The following FBXL7 variants were observed in gnomAD, a reference collection of about 807,000 sequenced individuals.
FBXL7 encodes F-box/LRR-repeat protein 7.
Under a neutral mutation model 38.3 loss-of-function variants are expected in FBXL7, and 12 were observed. That is an observed-to-expected ratio of 0.31 (90% CI 0.20 to 0.51). The LOEUF is 0.51. Among genes scored for constraint, FBXL7 ranks in the 20% least tolerant of loss-of-function variants. The pLI, the probability that FBXL7 is intolerant of heterozygous loss-of-function variation, is 0.98. For synonymous variants in FBXL7, 297 were observed against 300.9 expected (o/e 0.99, Z 0.13); for missense variants, 567 against 676.4 (o/e 0.84, Z 1.79).
intron 2 of FBXL7, among the ~76,000 whole-genome samples, chr5:15,836,387 C>G (rs375342453): frequency 6.6e-6 from 1 of 151,750 alleles, no homozygotes; most frequent in East Asian, 1.9e-4. Context: ...CTATACAGAA[C>G]AAAAAGAAAA....
chr5:15,528,239 G>C (rs893858174), intron 1 of FBXL7, among the ~76,000 whole-genome samples: 10 of 152,148 alleles, frequency 6.6e-5, no homozygotes, highest in African/African-American at 2.4e-4. Context: ...ATGGACCCAG[G>C]AGTTTCTCTT....
At chr5:15,711,833 A>G (rs917955476) in intron 2 of FBXL7, among the ~76,000 whole-genome samples, 4 of 152,250 alleles carry the variant, frequency 2.6e-5, no homozygotes, top group African/African-American at 9.6e-5. Flanking sequence ...GTTGAGAAAC[A>G]TATAAAAATG....
chr5:15,893,792 G>T (rs1399116547), intron 2 of FBXL7, among the ~76,000 whole-genome samples: 1 of 152,186 alleles, frequency 6.6e-6, no homozygotes, highest in Non-Finnish European at 1.5e-5. Flanking sequence ...GCTATAGGAT[G>T]AATTAAATCA....
intron 2 of FBXL7, among the ~76,000 whole-genome samples, chr5:15,811,921 C>T (rs566903888): frequency 6.6e-6 from 1 of 152,266 alleles, no homozygotes; most frequent in South Asian, 2.1e-4. Flanking sequence ...TTGTGGAAGA[C>T]AGTGTGGTGA....
intron 2 of FBXL7, among the ~76,000 whole-genome samples, chr5:15,654,990 A>T (rs1220750737): frequency 7.9e-5 from 12 of 152,192 alleles, no homozygotes; most frequent in Admixed American, 7.9e-4. Flanking sequence ...CATGAATCTT[A>T]TGCTAAATGG....
At chr5:15,543,746 C>T (rs942205463) in intron 1 of FBXL7, among the ~76,000 whole-genome samples, 13 of 152,116 alleles carry the variant, frequency 8.5e-5, no homozygotes, top group Non-Finnish European at 1.6e-4. Flanking sequence ...TAAAGGGCAT[C>T]GGGTAGCAAC....
chr5:15,538,337 G>A (rs917440921), intron 1 of FBXL7, among the ~76,000 whole-genome samples: 11 of 152,180 alleles, frequency 7.2e-5, no homozygotes, highest in African/African-American at 2.7e-4. Flanking sequence ...TAAGTTAACT[G>A]ATACGATACT....
intron 2 of FBXL7, among the ~76,000 whole-genome samples, chr5:15,828,453 G>A: frequency 6.6e-6 from 1 of 152,184 alleles, no homozygotes; most frequent in East Asian, 1.9e-4. Context: ...GCAATCTTAA[G>A]TTGAATGAAT....
intron 2 of FBXL7, among the ~76,000 whole-genome samples, chr5:15,837,488 T>C (rs1738625107): frequency 6.6e-6 from 1 of 152,210 alleles, no homozygotes; most frequent in Non-Finnish European, 1.5e-5. Flanking sequence ...AGACTACAGT[T>C]AAGTTTAGTG....
At chr5:15,864,412 T>A (rs866924944) in intron 2 of FBXL7, among the ~76,000 whole-genome samples, 17 of 151,428 alleles carry the variant, frequency 1.1e-4, no homozygotes, top group Middle Eastern at 3.5e-3. Flanking sequence ...ACTTTTTTTT[T>A]CCATTCTGAA....
At chr5:15,731,530 G>A (rs1290387541) in intron 2 of FBXL7, among the ~76,000 whole-genome samples, 2 of 151,958 alleles carry the variant, frequency 1.3e-5, no homozygotes, top group African/African-American at 4.8e-5. Flanking sequence ...ATTTGTGTGG[G>A]GACACAGAGC....
chr5:15,800,388 G>A (rs2126740420), intron 2 of FBXL7, among the ~76,000 whole-genome samples: 1 of 152,254 alleles, frequency 6.6e-6, no homozygotes, highest in African/African-American at 2.4e-5. Context: ...CGCACGTTCT[G>A]TCTTCATAAA....
intron 2 of FBXL7, among the ~76,000 whole-genome samples, chr5:15,656,970 T>A (rs1411540774): frequency 2.0e-5 from 3 of 152,022 alleles, no homozygotes; most frequent in African/African-American, 7.3e-5. Context: ...ATGAGAAAGA[T>A]CTCATTCATA....
intron 2 of FBXL7, among the ~76,000 whole-genome samples, chr5:15,813,226 A>G (rs1737916805): frequency 6.6e-6 from 1 of 152,140 alleles, no homozygotes. Context: ...ACCAAAACAG[A>G]TATACAGACT....
intron 1 of FBXL7, among the ~76,000 whole-genome samples, chr5:15,506,264 C>T (rs921546722): frequency 3.3e-5 from 5 of 151,412 alleles, no homozygotes; most frequent in Admixed American, 2.0e-4. Context: ...CACTGCAATC[C>T]CTCCACAGTC....
At chr5:15,564,151 TC>T (rs1186856719) in intron 1 of FBXL7, among the ~76,000 whole-genome samples, 1 of 152,062 alleles carries the variant, frequency 6.6e-6, no homozygotes, top group Non-Finnish European at 1.5e-5. Context: ...AGAATATTCT[TC>T]CTATCAAAGG....
At chr5:15,854,409 AGTCT>A (rs553387623) in intron 2 of FBXL7, among the ~76,000 whole-genome samples, 5 of 152,292 alleles carry the variant, frequency 3.3e-5, no homozygotes, top group African/African-American at 9.6e-5. Flanking sequence ...TAGGATCTGA[AGTCT>A]GTCTGGGTAA....
At chr5:15,560,013 C>CA (rs1403630485) in intron 1 of FBXL7, among the ~76,000 whole-genome samples, 2 of 152,210 alleles carry the variant, frequency 1.3e-5, no homozygotes, top group East Asian at 3.9e-4. Flanking sequence ...CATGCCTCAA[C>CA]ACTAGCATTA....
chr5:15,645,487 C>G (rs1432979740), intron 2 of FBXL7, among the ~76,000 whole-genome samples: 2 of 152,152 alleles, frequency 1.3e-5, no homozygotes, highest in African/African-American at 4.8e-5. Context: ...CCAAACCCAA[C>G]CAACAAATGT....
Sources: gnomAD v4.1 joint callset for allele counts (sites outside exome capture counted in the v4.1 genomes callset) on GRCh38, gnomAD v4.1.1 for gene constraint, MANE v1.5 for transcripts, NCBI Gene and HGNC (gene_info 2026-07-23, HGNC 2026-07-21) for gene names.